Variants in NUP210L observed in about 807,000 individuals in gnomAD.
The protein encoded by NUP210L is nucleoporin 210 like, also known as nuclear pore membrane glycoprotein 210-like.
Under a neutral mutation model 208.5 loss-of-function variants are expected in NUP210L, and 74 were observed. The observed-to-expected ratio is 0.35, with a 90% CI of 0.29 to 0.43. The LOEUF (loss-of-function observed/expected upper bound fraction) is 0.43. NUP210L is among the 20% of genes least tolerant of loss of function. The probability of loss-of-function intolerance (pLI) is 1.00; values close to 1 mark genes in which losing one functional copy is unlikely to be tolerated. For synonymous variants in NUP210L, 780 were observed against 816.9 expected, an observed-to-expected ratio of 0.95 and a Z score of 0.77; for missense variants, 1,843 against 2,289.4, an observed-to-expected ratio of 0.81 and a Z score of 3.98.
intron 2 of NUP210L, among the ~76,000 whole-genome samples, chr1:154,148,073 C>A (rs145743327): frequency 6.7e-6 from 1 of 149,944 alleles, no homozygotes; most frequent in Non-Finnish European, 1.5e-5. Context: ...GCCCGGCCAA[C>A]ATGGCCAACA....
intron 12 of NUP210L, among the ~76,000 whole-genome samples, chr1:154,113,008 T>C (rs903325989): frequency 6.6e-6 from 1 of 150,810 alleles, no homozygotes; most frequent in African/African-American, 2.4e-5. Context: ...AATACAAAAA[T>C]TGACTGGGCA....
intron 12 of NUP210L, among the ~76,000 whole-genome samples, chr1:154,113,597 C>T (rs1333639225): frequency 4.6e-5 from 7 of 151,644 alleles, no homozygotes; most frequent in African/African-American, 7.3e-5. Flanking sequence ...TGGTGGCTCA[C>T]GCCTGTAATC....
intron 16 of NUP210L, among the ~76,000 whole-genome samples, chr1:154,082,083 T>C (rs1482135387): frequency 4.6e-5 from 7 of 152,220 alleles, no homozygotes; most frequent in Admixed American, 2.0e-4. Context: ...CCTAATCCCA[T>C]GGAGAGGGCA....
intron 24 of NUP210L, 61 bp downstream of exon 24, chr1:154,054,709 T>TGAGAGA (rs373373242): frequency 4.8e-6 from 5 of 1,031,918 alleles, no homozygotes; most frequent in Non-Finnish European, 7.4e-6. Context: ...TGTGTGTGTG[T>TGAGAGA]GAGAGAGAGA....
intron 4 of NUP210L, 47 bp from the exon 5 acceptor site, chr1:154,139,999 G>A (rs775287571): frequency 8.1e-6 from 12 of 1,484,308 alleles, no homozygotes; most frequent in African/African-American, 1.4e-5. Context: ...TAAACGAAGG[G>A]TTCTTCCAAA....
chr1:154,091,687 G>C (rs1422950517), intron 15 of NUP210L, among the ~76,000 whole-genome samples: 1 of 151,444 alleles, frequency 6.6e-6, no homozygotes, highest in Non-Finnish European at 1.5e-5. Context: ...TTTTAGTAGA[G>C]ATGGGGTTTC....
At chr1:154,121,381 T>C (rs1557991399) in intron 10 of NUP210L, among the ~76,000 whole-genome samples, 2 of 152,290 alleles carry the variant, frequency 1.3e-5, no homozygotes, top group Middle Eastern at 3.4e-3. Context: ...CACCTATCTA[T>C]GATAACTAGA....
intron 16 of NUP210L, among the ~76,000 whole-genome samples, chr1:154,077,490 A>T (rs1655099231): frequency 6.6e-6 from 1 of 152,176 alleles, no homozygotes; most frequent in Non-Finnish European, 1.5e-5. Context: ...TCCAACAAAA[A>T]TGGAGAGAAT....
chr1:154,082,976 G>A lies in NUP210L; in HGVS notation c.2361+6445C>T, dbSNP rs117715993. Among the ~76,000 whole-genome samples, 301 of 152,244 alleles carry A rather than the reference G, an allele frequency of 2.0e-3. 8 individuals are homozygous for A. In the East Asian group the frequency reaches 0.055, roughly 28 times the overall value. The stretch of plus-strand genomic sequence containing the variant: ...CTTCATTCCTCCTGGTGGGTTTGTG[G>A]TCTCGCTGACTCCAGGAGTGAAGCT... On this transcript the variant is annotated intron_variant, in intron 16 of 39. Transcript: ENST00000368559.
chr1:154,155,112 G>A, exon 1 of NUP210L: 2 of 1,154,460 alleles, frequency 1.7e-6, no homozygotes, highest in Non-Finnish European at 2.5e-6. Flanking sequence ...CCAATCCACA[G>A]GCGTGACGTC....
rs754064187 is a variant in NUP210L at position 154,143,584 on chromosome 1, T to C, written c.341-7A>G. 6.2e-7 allele frequency: 1 copy of C among 1,609,748 alleles called. No homozygotes were observed. Among genetic ancestry groups the C allele is most frequent in the Non-Finnish European group, 8.5e-7 (1 of 1,178,264 alleles). On this transcript the variant is annotated splice_polypyrimidine_tract_variant and splice_region_variant and intron_variant, in intron 2 of 39. Coordinates refer to ENST00000368559, the Ensembl canonical transcript of NUP210L. Reference sequence around the variant, plus strand: ...CGTAGCTCATGGTCAGTCACTACAATGAACCCAAAAACTGAGTATTTAATT... The same window carrying C: ...CGTAGCTCATGGTCAGTCACTACAACGAACCCAAAAACTGAGTATTTAATT...
chr1:154,040,880 C>G (rs576565350), intron 27 of NUP210L, among the ~76,000 whole-genome samples: 1 of 152,108 alleles, frequency 6.6e-6, no homozygotes, highest in African/African-American at 2.4e-5. Context: ...CGTGAGCCAC[C>G]GCGCCCAGCC....
At chr1:154,043,021 CTTTT>C (rs34453410) in intron 27 of NUP210L, among the ~76,000 whole-genome samples, 7 of 126,816 alleles carry the variant, frequency 5.5e-5, no homozygotes, top group Non-Finnish European at 4.9e-5. Context: ...CCATTAAGAC[CTTTT>C]TTTTTTTTTT....
At chr1:154,116,535 C>A (rs1451985127) in intron 12 of NUP210L, among the ~76,000 whole-genome samples, 1 of 151,902 alleles carries the variant, frequency 6.6e-6, no homozygotes, top group African/African-American at 2.4e-5. Flanking sequence ...TTGGGACCAG[C>A]CTGGGCAACA....
At chr1:154,068,268 G>C (rs555608134) in intron 17 of NUP210L, among the ~76,000 whole-genome samples, 17 of 152,264 alleles carry the variant, frequency 1.1e-4, no homozygotes, top group African/African-American at 4.1e-4. Flanking sequence ...AGAGACCTCA[G>C]AAATAATACC....
At chr1:154,038,614 G>T (rs1368519665) in intron 27 of NUP210L, among the ~76,000 whole-genome samples, 1 of 152,108 alleles carries the variant, frequency 6.6e-6, no homozygotes, top group Non-Finnish European at 1.5e-5. Context: ...CAAAGTACTA[G>T]GGTTACAGGC....
At chr1:154,138,760 CTTATAA>C (rs1418816446) in intron 5 of NUP210L, among the ~76,000 whole-genome samples, 1 of 152,052 alleles carries the variant, frequency 6.6e-6, no homozygotes, top group African/African-American at 2.4e-5. Flanking sequence ...GCAAGTTGTG[CTTATAA>C]TTATAATCAC....
intron 12 of NUP210L, among the ~76,000 whole-genome samples, chr1:154,115,668 T>C (rs905206865): frequency 6.6e-6 from 1 of 152,202 alleles, no homozygotes; most frequent in Admixed American, 6.6e-5. Flanking sequence ...TTGACTTTTT[T>C]CATGTCAATA....
At chr1:154,094,862 A>G (rs1336659021) in intron 15 of NUP210L, 73 bp downstream of exon 15, 1 of 1,101,330 alleles carries the variant, frequency 9.1e-7, no homozygotes, top group East Asian at 2.4e-5. Context: ...AGAATCTGAA[A>G]AGGAATGGCT....
Sources: allele counts gnomAD v4.1 joint callset (sites outside exome capture counted in the v4.1 genomes callset), GRCh38; gene constraint gnomAD v4.1.1; transcripts MANE v1.5; gene names NCBI Gene and HGNC (gene_info 2026-07-23, HGNC 2026-07-21).